The following ASNS variants were observed in gnomAD, a reference collection of about 807,000 sequenced individuals.
ASNS encodes the protein asparagine synthetase [glutamine-hydrolyzing].
In ASNS, 37 loss-of-function variants were observed where a neutral mutation model predicts 62.6. The observed-to-expected ratio is 0.59, with a 90% CI of 0.45 to 0.78. The LOEUF is 0.78. Ranked by LOEUF, ASNS falls within the 30% of genes least tolerant of loss-of-function variation. The probability of loss-of-function intolerance (pLI) is 0.00; values close to 1 mark genes in which losing one functional copy is unlikely to be tolerated. For synonymous variants in ASNS, 207 were observed against 237.9 expected, an observed-to-expected ratio of 0.87 and a Z score of 1.19; for missense variants, 520 against 682.4, an observed-to-expected ratio of 0.76 and a Z score of 2.65.
chr7:97,856,899 C>A, intron 7 of ASNS, 83 bp from the exon 8 acceptor site: 1 of 1,380,790 alleles, frequency 7.2e-7, no homozygotes, highest in South Asian at 1.4e-5. Flanking sequence ...GTTCACAAAG[C>A]TTTATGAATT....
chr7:97,905,287 G>A, the ASNS span, among the ~76,000 whole-genome samples: 1 of 151,964 alleles, frequency 6.6e-6, no homozygotes, highest in African/African-American at 2.4e-5. Flanking sequence ...TTCTTGTAAT[G>A]TGCTCCTAAA....
the ASNS span, among the ~76,000 whole-genome samples, chr7:97,883,943 G>A: frequency 1.6e-4 from 23 of 146,976 alleles, 1 homozygote; most frequent in East Asian, 1.8e-3. Flanking sequence ...AGCCGAGATC[G>A]CGCCACTGCA....
chr7:97,874,534 G>A (rs1291832249), upstream of ASNS, among the ~76,000 whole-genome samples: 1 of 152,200 alleles, frequency 6.6e-6, no homozygotes, highest in Non-Finnish European at 1.5e-5. Flanking sequence ...TACAATTTAT[G>A]TTTAGAGATT....
intron 4 of ASNS, 70 bp from the exon 5 acceptor site, chr7:97,859,468 C>T: frequency 6.9e-7 from 1 of 1,443,538 alleles, no homozygotes; most frequent in Non-Finnish European, 9.3e-7. Context: ...GATTAGTTAA[C>T]ATCATCTACA....
the ASNS span, among the ~76,000 whole-genome samples, chr7:97,896,741 CATATATATATATATAT>C: frequency 1.0e-4 from 2 of 19,780 alleles, no homozygotes; most frequent in Admixed American, 1.2e-3. Flanking sequence ...CACACACACA[CATATATATATATATAT>C]ATATATATAT....
the ASNS span, among the ~76,000 whole-genome samples, chr7:97,910,082 C>T: frequency 6.6e-6 from 1 of 152,146 alleles, no homozygotes; most frequent in Admixed American, 6.5e-5. Flanking sequence ...AAGAGCCCAA[C>T]TTGAAGTTTC....
chr7:97,925,752 T>C, the ASNS span, among the ~76,000 whole-genome samples: 1 of 152,164 alleles, frequency 6.6e-6, no homozygotes, highest in Admixed American at 6.5e-5. Flanking sequence ...GGGACTCCAG[T>C]GAGTTATCAC....
At chr7:97,877,346 G>T (rs76991531), upstream of ASNS, among the ~76,000 whole-genome samples, 1 of 152,090 alleles carries the variant, frequency 6.6e-6, no homozygotes, top group South Asian at 2.1e-4. Flanking sequence ...ACCCACCTTA[G>T]CCTCCCAAAG....
chr7:97,883,932 G>A, the ASNS span, among the ~76,000 whole-genome samples: 3 of 148,688 alleles, frequency 2.0e-5, no homozygotes, highest in African/African-American at 7.5e-5. Context: ...AGCTTGCAGT[G>A]AGCCGAGATC....
At chr7:97,904,730 A>AG in the ASNS span, among the ~76,000 whole-genome samples, 1 of 151,326 alleles carries the variant, frequency 6.6e-6, no homozygotes, top group Non-Finnish European at 1.5e-5. Context: ...ATAAAAGAGA[A>AG]AAAATGCAAA....
intron 3 of ASNS, among the ~76,000 whole-genome samples, chr7:97,867,502 G>A (rs1039167832): frequency 1.3e-5 from 2 of 152,112 alleles, no homozygotes; most frequent in African/African-American, 4.8e-5. Context: ...TTAACTTCTT[G>A]TAACTTTTTA....
At chr7:97,897,404 G>A in the ASNS span, among the ~76,000 whole-genome samples, 1 of 152,242 alleles carries the variant, frequency 6.6e-6, no homozygotes, top group South Asian at 2.1e-4. Flanking sequence ...TGACAAATGG[G>A]ATCTAATTAA....
the ASNS span, among the ~76,000 whole-genome samples, chr7:97,910,727 G>A: frequency 2.0e-5 from 3 of 151,806 alleles, no homozygotes; most frequent in South Asian, 2.1e-4. Flanking sequence ...TCAGCCTCCC[G>A]AGTAGCTGGG....
intron 7 of ASNS, among the ~76,000 whole-genome samples, chr7:97,857,159 TG>T (rs1791481986): frequency 6.6e-6 from 1 of 152,196 alleles, no homozygotes. Flanking sequence ...TGGTCTTTTT[TG>T]GTCCTTCTTA....
At chr7:97,886,240 C>T in the ASNS span, among the ~76,000 whole-genome samples, 934 of 152,252 alleles carry the variant, frequency 6.1e-3, 12 homozygotes, top group African/African-American at 0.021. Flanking sequence ...CTCCACCTCC[C>T]GGGTTCAAGC....
intron 12 of ASNS, 35 bp from the exon 13 acceptor site, chr7:97,852,503 A>G: frequency 6.3e-7 from 1 of 1,588,834 alleles, no homozygotes; most frequent in Non-Finnish European, 8.6e-7. Flanking sequence ...AAAATGGCTT[A>G]AAATGGCAGG....
chr7:97,919,805 G>T, the ASNS span, among the ~76,000 whole-genome samples: 1 of 152,178 alleles, frequency 6.6e-6, no homozygotes, highest in Admixed American at 6.5e-5. Flanking sequence ...CAGAGCCCCT[G>T]TGTACCTGTT....
At chr7:97,874,465 G>T (rs141625531), upstream of ASNS, among the ~76,000 whole-genome samples, 1 of 152,196 alleles carries the variant, frequency 6.6e-6, no homozygotes, top group Admixed American at 6.5e-5. Context: ...GTAATGACAG[G>T]CATAGGAAAT....
At chr7:97,922,151 GT>G in the ASNS span, among the ~76,000 whole-genome samples, 1 of 152,136 alleles carries the variant, frequency 6.6e-6, no homozygotes, top group African/African-American at 2.4e-5. Context: ...GATTGCTTGA[GT>G]CCAGGAGTTC....
Sources: allele counts gnomAD v4.1 joint callset (sites outside exome capture counted in the v4.1 genomes callset), GRCh38; gene constraint gnomAD v4.1.1; transcripts MANE v1.5; gene names NCBI Gene and HGNC (gene_info 2026-07-23, HGNC 2026-07-21).